Variants in BMP7 observed in about 807,000 individuals in gnomAD.
BMP7 encodes the protein bone morphogenetic protein 7, also known as osteogenic protein 1.
BMP7 carries 12 observed loss-of-function variants against 41.2 expected under a neutral mutation model. The observed-to-expected ratio is 0.29, with a 90% CI of 0.19 to 0.47. The LOEUF (loss-of-function observed/expected upper bound fraction) is 0.47. BMP7 is among the 20% of genes least tolerant of loss of function. BMP7 has a pLI of 0.99. For synonymous variants in BMP7, 248 were observed against 250.0 expected, an observed-to-expected ratio of 0.99 and a Z score of 0.07; for missense variants, 467 against 606.0, an observed-to-expected ratio of 0.77 and a Z score of 2.41.
chr20:57,241,898 G>T (rs79542662), intron 1 of BMP7, among the ~76,000 whole-genome samples: 4,158 of 152,256 alleles, frequency 0.027, 94 homozygotes, highest in Non-Finnish European at 0.042. Context: ...AAAAAAGATG[G>T]GTTTAATTAT....
At chr20:57,249,724 G>A (rs1375409897) in intron 1 of BMP7, among the ~76,000 whole-genome samples, 3 of 152,184 alleles carry the variant, frequency 2.0e-5, no homozygotes, top group Non-Finnish European at 4.4e-5. Context: ...AACATCATCA[G>A]GCCATTGTCA....
At chr20:57,238,748 G>C (rs1171211613) in intron 1 of BMP7, among the ~76,000 whole-genome samples, 5 of 152,214 alleles carry the variant, frequency 3.3e-5, no homozygotes, top group Admixed American at 3.3e-4. Flanking sequence ...CATGGCTGGG[G>C]AGGCCTCAGA....
Position 57,214,307 on chromosome 20 carries a change from C to G in BMP7, c.612-11684G>C, listed in dbSNP as rs1984962389. ...TCCACTCTTCTCACCCCGCACTCCC[C>G]CTGCCCCAGCAGCTTGCAGGGGCTG... On this transcript the variant is annotated intron_variant, in intron 2 of 6. Coordinates refer to ENST00000395863, the MANE Select transcript of BMP7 (RefSeq NM_001719.3). This position sits in a 1 kb window ranked among gnomAD's most constrained non-coding sequence, Gnocchi z 4.0. Among the ~76,000 whole-genome samples, 2 of 152,188 alleles carry G rather than the reference C, an allele frequency of 1.3e-5. No homozygotes were observed. Among genetic ancestry groups the G allele is most frequent in the African/African-American group, 2.4e-5 (1 of 41,440 alleles).
In BMP7 at chr20:57,170,860, G is replaced by A; in HGVS notation, c.*99C>T. ...TTAAAGTTGGGGATAGGGAGGGGAA[G>A]GTCTCACAAAAGGCAGTTGGTCTGC... On this transcript the variant is annotated 3_prime_UTR_variant, in exon 7 of 7. Coordinates refer to ENST00000395863, the MANE Select transcript of BMP7 (RefSeq NM_001719.3). The A allele has an allele frequency of 6.9e-7, 1 of 1,457,124 alleles. No homozygotes were observed. Among genetic ancestry groups the A allele is most frequent in the Non-Finnish European group, 9.4e-7 (1 of 1,060,732 alleles). 90.3% of individuals were successfully genotyped at this position (1,457,124 alleles called of 1,614,324 possible). A position where few individuals can be genotyped will look rare whatever the true frequency, so the allele number is the denominator to read the frequency against.
chr20:57,168,948 G>GT lies in BMP7; in HGVS notation c.*2010_*2011insA, dbSNP rs1447864470. Reference sequence around the variant, plus strand: ...ATCGTCCTGAACGAGGGATTAAAGGGGGGGGGGTGTTCAAAAGAGCTTTGG... The same window carrying GT: ...ATCGTCCTGAACGAGGGATTAAAGGGTGGGGGGGTGTTCAAAAGAGCTTTGG... On this transcript the variant is annotated 3_prime_UTR_variant, in exon 7 of 7. Transcript: ENST00000395863. 6.6e-6 allele frequency: 1 copy of GT among 151,398 alleles called. No homozygotes were observed. Among genetic ancestry groups the GT allele is most frequent in the Non-Finnish European group, 1.5e-5 (1 of 67,856 alleles). The allele number at this position is 151,398 out of a possible 1,614,324, so 9.4% of individuals were successfully genotyped here. A position where few individuals can be genotyped will look rare whatever the true frequency, so the allele number is the denominator to read the frequency against.
At chr20:57,250,244 A>G (rs1169771354) in intron 1 of BMP7, among the ~76,000 whole-genome samples, 3 of 150,836 alleles carry the variant, frequency 2.0e-5, no homozygotes, top group African/African-American at 4.9e-5. Context: ...CAGTCTAGGC[A>G]ACATGGTGAA....
chr20:57,191,335 A>G lies in BMP7; in HGVS notation c.761-7416T>C, dbSNP rs116690335. On this transcript the variant is annotated intron_variant, in intron 3 of 6. Transcript: ENST00000395863. ...CGCAGGCTCTGGTGGGGCCAACAGA[A>G]GGAAAGTTCCCTCCCATGAGCCACT... 2.4e-3 allele frequency among the ~76,000 whole-genome samples: 371 copies of G among 152,258 alleles called. 3 individuals carry two copies. The highest frequency in any genetic ancestry group is 8.6e-3 in the African/African-American group (357 of 41,552).
intron 1 of BMP7, among the ~76,000 whole-genome samples, chr20:57,232,638 A>G (rs1436033622): frequency 6.6e-6 from 1 of 152,180 alleles, no homozygotes. Flanking sequence ...GTTCTTTTCT[A>G]AAAAGAAACT....
In BMP7 at chr20:57,263,066, A is replaced by C. The variant is rs151250390; in HGVS notation, c.418+2639T>G. On this transcript the variant is annotated intron_variant, in intron 1 of 6. Transcript: ENST00000395863. ...GCAGAAATTAAAGGCCAACATTAGAAGCATCTACAGGAAGTGTCTCGCCAA... is the reference window on the plus strand; with the variant it reads ...GCAGAAATTAAAGGCCAACATTAGACGCATCTACAGGAAGTGTCTCGCCAA... Among the ~76,000 whole-genome samples the C allele has an allele frequency of 1.9e-3, 292 of 152,310 alleles. 2 individuals carry two copies. Among genetic ancestry groups the C allele is most frequent in the African/African-American group, 5.9e-3 (244 of 41,570 alleles).
In BMP7 at chr20:57,259,722, ATAAG is replaced by A. The variant is rs1382529033; in HGVS notation, c.418+5979_418+5982del. ...TTGCACATGCTTGCCTGAGTTTCGC[ATAAG>A]TAAGTGTCAAACTTCATGCACTCTA... On this transcript the variant is annotated intron_variant, in intron 1 of 6. Coordinates refer to ENST00000395863, the MANE Select transcript of BMP7 (RefSeq NM_001719.3). The surrounding 1 kb of genome is among the most constrained non-coding windows in gnomAD (Gnocchi z 4.7). 2.6e-5 allele frequency among the ~76,000 whole-genome samples: 4 copies of A among 152,206 alleles called. No homozygotes were observed. The highest frequency in any genetic ancestry group is 6.5e-5 in the Admixed American group (1 of 15,280).
chr20:57,188,091 C>T (rs545730216), intron 3 of BMP7, among the ~76,000 whole-genome samples: 1 of 152,290 alleles, frequency 6.6e-6, no homozygotes, highest in East Asian at 1.9e-4. Flanking sequence ...AACAATTCCA[C>T]TCCTAGGCGT....
At chr20:57,219,180 G>GTGTTTGTTCGGTGGTAGCTGC (rs1568719335) in intron 2 of BMP7, among the ~76,000 whole-genome samples, 1 of 142,680 alleles carries the variant, frequency 7.0e-6, no homozygotes, top group Non-Finnish European at 1.5e-5. Flanking sequence ...GTGGTAGCTG[G>GTGTTTGTTCGGTGGTAGCTGC]TGTTTGTTCA....
intron 2 of BMP7, among the ~76,000 whole-genome samples, chr20:57,218,397 GTGTTTGGTGGTAGCTGGTGTT>G (rs754572424): frequency 7.0e-5 from 10 of 142,508 alleles, no homozygotes; most frequent in Admixed American, 2.1e-4. Context: ...TGCACAGCTG[GTGTTTGGTGGTAGCTGGTGTT>G]TGTTTGGTGG....
intron 3 of BMP7, among the ~76,000 whole-genome samples, chr20:57,198,064 C>A (rs1357662235): frequency 6.6e-6 from 1 of 150,722 alleles, no homozygotes; most frequent in African/African-American, 2.4e-5. Context: ...CTCCTCTCCT[C>A]TCCCCTCCTC....
intron 2 of BMP7, among the ~76,000 whole-genome samples, chr20:57,207,149 AG>A (rs1232033507): frequency 6.6e-6 from 1 of 152,226 alleles, no homozygotes; most frequent in African/African-American, 2.4e-5. Flanking sequence ...GCTCAGGACT[AG>A]GACTCAAGAA....
At chr20:57,263,087 G>A (rs968149965) in intron 1 of BMP7, among the ~76,000 whole-genome samples, 7 of 152,164 alleles carry the variant, frequency 4.6e-5, no homozygotes, top group African/African-American at 7.2e-5. Context: ...GAAGTGTCTC[G>A]CCAAACTGCA....
intron 1 of BMP7, among the ~76,000 whole-genome samples, chr20:57,244,520 C>T (rs962859465): frequency 1.3e-5 from 2 of 152,236 alleles, no homozygotes; most frequent in Non-Finnish European, 2.9e-5. Context: ...GAGCGTGGGC[C>T]ATGGGGCCTG....
In BMP7 at chr20:57,173,008, C is replaced by T. The variant is rs73914107; in HGVS notation, c.1146+192G>A. On this transcript the variant is annotated intron_variant, in intron 6 of 6. Coordinates refer to ENST00000395863, the MANE Select transcript of BMP7 (RefSeq NM_001719.3). ...ATGAACTCCAGGGTCGAAGATTATACTCCTCTTTATACCAAACCAGTCATA... is the reference window on the plus strand; with the variant it reads ...ATGAACTCCAGGGTCGAAGATTATATTCCTCTTTATACCAAACCAGTCATA... The T allele has an allele frequency of 6.2e-3, 4,084 of 662,316 alleles. 116 individuals are homozygous for T. The African/African-American group carries it at 0.064, about 10-fold the overall frequency. 41.0% of individuals were successfully genotyped at this position (662,316 alleles called of 1,614,324 possible). A position where few individuals can be genotyped will look rare whatever the true frequency, so the allele number is the denominator to read the frequency against.
intron 2 of BMP7, among the ~76,000 whole-genome samples, chr20:57,212,389 G>T (rs1482659482): frequency 2.0e-5 from 3 of 152,214 alleles, no homozygotes; most frequent in East Asian, 3.9e-4. Flanking sequence ...GTCAGGTCTT[G>T]CTGAGCGCTG....
Sources: allele counts gnomAD v4.1 joint callset (sites outside exome capture counted in the v4.1 genomes callset), GRCh38; gene constraint gnomAD v4.1.1; non-coding constraint Gnocchi (gnomAD v3.1); transcripts MANE v1.5; gene names NCBI Gene and HGNC (gene_info 2026-07-23, HGNC 2026-07-21).